XKR9: variants seen among roughly 807,000 people sequenced by gnomAD.
XKR9 encodes XK-related protein 9.
Under a neutral mutation model 32.0 loss-of-function variants are expected in XKR9, and 32 were observed. The observed-to-expected ratio is 1.00, with a 90% confidence interval of 0.76 to 1.34. The LOEUF (loss-of-function observed/expected upper bound fraction) is 1.34, where lower values mean the gene tolerates loss of function less well. Among genes scored for constraint, XKR9 ranks in the 40% most tolerant of loss-of-function variants. XKR9 has a pLI of 0.00. For synonymous variants in XKR9, 168 were observed against 143.4 expected, an observed-to-expected ratio of 1.17 and a Z score of -1.22; for missense variants, 546 against 429.7, an observed-to-expected ratio of 1.27 and a Z score of -2.39.
chr8:70,828,028 A>C, the XKR9 span, among the ~76,000 whole-genome samples: 2 of 152,212 alleles, frequency 1.3e-5, no homozygotes, highest in Non-Finnish European at 1.5e-5. Context: ...CAAGAATTTC[A>C]TTATTAACAG....
At chr8:71,053,925 T>G in the XKR9 span, among the ~76,000 whole-genome samples, 1 of 152,208 alleles carries the variant, frequency 6.6e-6, no homozygotes, top group Non-Finnish European at 1.5e-5. Context: ...AGCTAATAAG[T>G]GCACGAATCA....
chr8:71,050,254 TATATATAGATAGATAG>T, the XKR9 span, among the ~76,000 whole-genome samples: 39 of 125,140 alleles, frequency 3.1e-4, no homozygotes, highest in African/African-American at 1.1e-3. Flanking sequence ...TATATATATA[TATATATAGATAGATAG>T]ATAGATATAG....
chr8:70,959,931 T>C, the XKR9 span, among the ~76,000 whole-genome samples: 2 of 152,182 alleles, frequency 1.3e-5, no homozygotes, highest in Non-Finnish European at 2.9e-5. Flanking sequence ...TAATTACACA[T>C]TGGGATTAAA....
chr8:70,877,295 A>T, the XKR9 span, among the ~76,000 whole-genome samples: 2 of 152,168 alleles, frequency 1.3e-5, no homozygotes, highest in African/African-American at 4.8e-5. Flanking sequence ...TTAAGGTTAG[A>T]TTTGGGTGGG....
the XKR9 span, among the ~76,000 whole-genome samples, chr8:70,806,355 C>T: frequency 6.6e-6 from 1 of 152,182 alleles, no homozygotes; most frequent in South Asian, 2.1e-4. Flanking sequence ...CAGAGTGTCT[C>T]TTCTTCTCCA....
the XKR9 span, among the ~76,000 whole-genome samples, chr8:70,907,746 A>G: frequency 6.6e-6 from 1 of 152,098 alleles, no homozygotes; most frequent in South Asian, 2.1e-4. Flanking sequence ...TTCTGTTTTG[A>G]TCTTTATCAT....
chr8:71,056,249 T>A, the XKR9 span, among the ~76,000 whole-genome samples: 1 of 127,346 alleles, frequency 7.9e-6, no homozygotes, highest in Non-Finnish European at 1.8e-5. Context: ...GAGATCTTAT[T>A]TTTTTTTTTT....
chr8:70,918,397 C>A, the XKR9 span, among the ~76,000 whole-genome samples: 66 of 152,148 alleles, frequency 4.3e-4, no homozygotes, highest in Non-Finnish European at 8.4e-4. Context: ...TTGAAGGAAA[C>A]AAAGCCCTCA....
chr8:70,859,584 A>G, the XKR9 span, among the ~76,000 whole-genome samples: 36 of 152,280 alleles, frequency 2.4e-4, no homozygotes, highest in Middle Eastern at 3.4e-3. Flanking sequence ...GCCAAGATAG[A>G]GAATCAACCT....
At chr8:70,776,104 T>A (rs1204539216) in intron 2 of XKR9, among the ~76,000 whole-genome samples, 1 of 152,130 alleles carries the variant, frequency 6.6e-6, no homozygotes, top group Non-Finnish European at 1.5e-5. Flanking sequence ...AAGCCCTGTT[T>A]CACAAAATCA....
the XKR9 span, among the ~76,000 whole-genome samples, chr8:70,904,296 G>C: frequency 6.6e-6 from 1 of 152,122 alleles, no homozygotes; most frequent in Admixed American, 6.5e-5. Flanking sequence ...GAATCTGGTT[G>C]CTCCTGTATT....
chr8:70,831,422 T>C, the XKR9 span, among the ~76,000 whole-genome samples: 11 of 152,314 alleles, frequency 7.2e-5, no homozygotes, highest in East Asian at 2.1e-3. Flanking sequence ...TTAAAGTATG[T>C]TCTTTACATT....
intron 2 of XKR9, among the ~76,000 whole-genome samples, chr8:70,749,212 A>T (rs895250313): frequency 3.9e-5 from 6 of 152,090 alleles, no homozygotes; most frequent in African/African-American, 1.4e-4. Flanking sequence ...CTCTTCCTGG[A>T]TGTGGGACAA....
chr8:70,969,082 A>C, the XKR9 span, among the ~76,000 whole-genome samples: 1 of 152,204 alleles, frequency 6.6e-6, no homozygotes, highest in Non-Finnish European at 1.5e-5. Context: ...GGCAGTGAGC[A>C]CCAGTTTATG....
At chr8:70,928,327 G>A in the XKR9 span, among the ~76,000 whole-genome samples, 1 of 152,110 alleles carries the variant, frequency 6.6e-6, no homozygotes, top group Non-Finnish European at 1.5e-5. Context: ...TTACAGGCGT[G>A]AACCACCCAC....
the XKR9 span, among the ~76,000 whole-genome samples, chr8:70,874,245 G>A: frequency 6.6e-6 from 1 of 152,070 alleles, no homozygotes; most frequent in Non-Finnish European, 1.5e-5. Flanking sequence ...TATCTCTAAA[G>A]TATGCCTATA....
At chr8:70,922,038 A>G in the XKR9 span, among the ~76,000 whole-genome samples, 1 of 152,174 alleles carries the variant, frequency 6.6e-6, no homozygotes, top group African/African-American at 2.4e-5. Flanking sequence ...AGAAGCAGGT[A>G]GTGGGTATAG....
chr8:70,897,473 GGTT>G, the XKR9 span, among the ~76,000 whole-genome samples: 1 of 152,106 alleles, frequency 6.6e-6, no homozygotes, highest in East Asian at 1.9e-4. Flanking sequence ...TCTCCATAGT[GGTT>G]ATACTAATTT....
At chr8:71,055,478 T>C in the XKR9 span, among the ~76,000 whole-genome samples, 1 of 152,190 alleles carries the variant, frequency 6.6e-6, no homozygotes, top group African/African-American at 2.4e-5. Context: ...AAGGAGAATG[T>C]CTATGTTTCT....
Sources: allele counts gnomAD v4.1 joint callset (sites outside exome capture counted in the v4.1 genomes callset), GRCh38; gene constraint gnomAD v4.1.1; transcripts MANE v1.5; gene names NCBI Gene and HGNC (gene_info 2026-07-23, HGNC 2026-07-21).